NRXN3: variants seen among roughly 807,000 people sequenced by gnomAD.
NRXN3 encodes the protein neurexin III.
In NRXN3, 32 loss-of-function variants were observed where a neutral mutation model predicts 137.6. The ratio of observed to expected loss-of-function variants is 0.23; its 90% CI spans 0.18 to 0.31. The LOEUF (loss-of-function observed/expected upper bound fraction) is 0.31. Among genes scored for constraint, NRXN3 ranks in the 10% least tolerant of loss-of-function variants. The pLI is 1.00. For missense variants in NRXN3, 1,574 were observed against 2,062.5 expected, an observed-to-expected ratio of 0.76 and a Z score of 4.59; for synonymous variants, 798 against 784.5, an observed-to-expected ratio of 1.02 and a Z score of -0.29.
chr14:79,142,999 TATC>T (rs2058956160), intron 15 of NRXN3, among the ~76,000 whole-genome samples: 1 of 152,182 alleles, frequency 6.6e-6, no homozygotes, highest in Admixed American at 6.5e-5. Flanking sequence ...ATTACGAAAA[TATC>T]ATCTATTTAT....
At chr14:78,929,715 T>C (rs2099316354) in intron 10 of NRXN3, among the ~76,000 whole-genome samples, 2 of 152,148 alleles carry the variant, frequency 1.3e-5, no homozygotes, top group Admixed American at 6.6e-5. Context: ...TATCCAGTAA[T>C]GGGATTGCTA....
At chr14:78,517,351 C>A (rs1186258702) in intron 4 of NRXN3, among the ~76,000 whole-genome samples, 2 of 152,186 alleles carry the variant, frequency 1.3e-5, no homozygotes, top group African/African-American at 4.8e-5. Flanking sequence ...CAGGTTCTGT[C>A]CTAATTCTGC....
chr14:79,765,575 A>C (rs545714993), intron 19 of NRXN3, among the ~76,000 whole-genome samples: 1 of 152,296 alleles, frequency 6.6e-6, no homozygotes, highest in Admixed American at 6.5e-5. Context: ...CAATGCCTTC[A>C]CCGTGCTCTA....
chr14:78,825,553 G>T (rs1178835587), intron 10 of NRXN3, among the ~76,000 whole-genome samples: 1 of 152,192 alleles, frequency 6.6e-6, no homozygotes, highest in Non-Finnish European at 1.5e-5. Context: ...ATCTATACAG[G>T]CACCAAAAAT....
chr14:78,355,415 T>C (rs2084146254), intron 4 of NRXN3, among the ~76,000 whole-genome samples: 1 of 152,072 alleles, frequency 6.6e-6, no homozygotes, highest in East Asian at 1.9e-4. Context: ...CTTTTTTGTT[T>C]TTGTTTTTGT....
At chr14:79,043,813 T>C (rs755085931) in intron 15 of NRXN3, among the ~76,000 whole-genome samples, 4 of 152,278 alleles carry the variant, frequency 2.6e-5, no homozygotes, top group Middle Eastern at 3.4e-3. Context: ...GAGAGAGACA[T>C]CGCTGAGAGA....
At chr14:78,456,973 C>T (rs1342145523) in intron 4 of NRXN3, among the ~76,000 whole-genome samples, 4 of 147,900 alleles carry the variant, frequency 2.7e-5, no homozygotes, top group African/African-American at 7.5e-5. Context: ...CTTCCTTCTT[C>T]CTTCTCCTCC....
chr14:79,137,320 G>A (rs979208173), intron 15 of NRXN3, among the ~76,000 whole-genome samples: 1 of 152,172 alleles, frequency 6.6e-6, no homozygotes, highest in Non-Finnish European at 1.5e-5. Context: ...GAGTAACTGT[G>A]TACTGTTGAA....
At chr14:78,802,593 A>G (rs1485157887) in intron 8 of NRXN3, among the ~76,000 whole-genome samples, 4 of 152,202 alleles carry the variant, frequency 2.6e-5, no homozygotes, top group Non-Finnish European at 4.4e-5. Context: ...ATCACACTAT[A>G]GTGTTAATCG....
chr14:79,114,738 G>T (rs1368632879), intron 15 of NRXN3, among the ~76,000 whole-genome samples: 2 of 152,074 alleles, frequency 1.3e-5, no homozygotes, highest in Non-Finnish European at 2.9e-5. Flanking sequence ...ATGTTGCTCA[G>T]GCTGGAATCA....
At chr14:79,123,229 G>T (rs570079592) in intron 15 of NRXN3, among the ~76,000 whole-genome samples, 1 of 151,730 alleles carries the variant, frequency 6.6e-6, no homozygotes, top group African/African-American at 2.4e-5. Context: ...GTGTGTGTGC[G>T]CGCGTGTGTG....
chr14:78,459,317 G>A (rs2094848318), intron 4 of NRXN3, among the ~76,000 whole-genome samples: 1 of 152,158 alleles, frequency 6.6e-6, no homozygotes, highest in Admixed American at 6.6e-5. Flanking sequence ...AGAAGTTAAG[G>A]CCTGCCTGGC....
At chr14:78,491,099 G>A (rs1040535804) in intron 4 of NRXN3, among the ~76,000 whole-genome samples, 5 of 152,110 alleles carry the variant, frequency 3.3e-5, no homozygotes, top group Admixed American at 1.3e-4. Context: ...GCTGCCGGTC[G>A]GCTGGGAAGA....
intron 4 of NRXN3, among the ~76,000 whole-genome samples, chr14:78,515,352 G>A (rs943362349): frequency 6.6e-6 from 1 of 152,110 alleles, no homozygotes; most frequent in African/African-American, 2.4e-5. Context: ...GAAATTTATT[G>A]TGCCAACTAT....
intron 1 of NRXN3, among the ~76,000 whole-genome samples, chr14:78,214,404 T>C (rs998212832): frequency 6.6e-6 from 1 of 152,144 alleles, no homozygotes; most frequent in Admixed American, 6.5e-5. Context: ...TTGGTGGCAT[T>C]TGTTACAGTC....
chr14:79,794,547 C>A (rs939241572), intron 19 of NRXN3, among the ~76,000 whole-genome samples: 1 of 152,260 alleles, frequency 6.6e-6, no homozygotes, highest in East Asian at 1.9e-4. Flanking sequence ...TTCTAAGCAA[C>A]TTCTGGTTCA....
intron 10 of NRXN3, among the ~76,000 whole-genome samples, chr14:78,842,800 A>G (rs572828290): frequency 1.8e-4 from 28 of 152,206 alleles, no homozygotes; most frequent in Non-Finnish European, 3.1e-4. Context: ...GCTGAGAAAA[A>G]CAATTCAGAG....
intron 4 of NRXN3, among the ~76,000 whole-genome samples, chr14:78,642,719 G>T (rs1387353856): frequency 6.6e-6 from 1 of 152,182 alleles, no homozygotes; most frequent in Non-Finnish European, 1.5e-5. Context: ...CCTGAGCAGG[G>T]CCTTGTCCAA....
At chr14:79,402,214 G>C (rs1396719683) in intron 15 of NRXN3, among the ~76,000 whole-genome samples, 1 of 152,156 alleles carries the variant, frequency 6.6e-6, no homozygotes, top group Non-Finnish European at 1.5e-5. Flanking sequence ...GGGATTACAG[G>C]CGTGAGCCAC....
Sources: allele counts gnomAD v4.1 joint callset (sites outside exome capture counted in the v4.1 genomes callset), GRCh38; gene constraint gnomAD v4.1.1; transcripts MANE v1.5; gene names NCBI Gene and HGNC (gene_info 2026-07-23, HGNC 2026-07-21).